Variants in UNC5C observed in about 807,000 individuals in gnomAD.
UNC5C encodes the protein netrin receptor UNC5C.
Under a neutral mutation model 99.8 loss-of-function variants are expected in UNC5C, and 47 were observed. That is an observed-to-expected ratio of 0.47 (90% CI 0.37 to 0.60). UNC5C has a LOEUF of 0.60. Ranked by LOEUF, UNC5C falls within the 20% of genes least tolerant of loss-of-function variation. UNC5C has a pLI of 0.00. For missense variants in UNC5C, 1,062 were observed against 1,165.9 expected, an observed-to-expected ratio of 0.91 and a Z score of 1.30; for synonymous variants, 487 against 452.2, an observed-to-expected ratio of 1.08 and a Z score of -0.98.
intron 1 of UNC5C, among the ~76,000 whole-genome samples, chr4:95,535,816 G>GCA (rs1308166962): frequency 6.6e-6 from 1 of 151,570 alleles, no homozygotes; most frequent in Non-Finnish European, 1.5e-5. Context: ...ACACACGGGT[G>GCA]CACACATACA....
At chr4:95,462,495 G>C (rs576690665) in intron 1 of UNC5C, among the ~76,000 whole-genome samples, 16 of 152,128 alleles carry the variant, frequency 1.1e-4, no homozygotes, top group Non-Finnish European at 1.9e-4. Context: ...AGTTAACCCT[G>C]ACTATAAAAA....
At chr4:95,420,371 A>G (rs1243055264) in intron 1 of UNC5C, among the ~76,000 whole-genome samples, 2 of 152,192 alleles carry the variant, frequency 1.3e-5, no homozygotes, top group African/African-American at 2.4e-5. Context: ...CAATGGGGAC[A>G]CATAATAAAA....
At chr4:95,321,166 A>G (rs1742676836) in intron 2 of UNC5C, among the ~76,000 whole-genome samples, 1 of 152,230 alleles carries the variant, frequency 6.6e-6, no homozygotes, top group Non-Finnish European at 1.5e-5. Flanking sequence ...AATTAAATTA[A>G]AATTACATAG....
At chr4:95,206,861 G>T in intron 10 of UNC5C, 65 bp from the exon 11 acceptor site, 1 of 1,299,062 alleles carries the variant, frequency 7.7e-7, no homozygotes, top group Non-Finnish European at 1.0e-6. Flanking sequence ...ATGCACTTGG[G>T]TTCTGAAGGC....
At chr4:95,236,640 A>C (rs1694141180) in intron 7 of UNC5C, among the ~76,000 whole-genome samples, 1 of 152,008 alleles carries the variant, frequency 6.6e-6, no homozygotes, top group South Asian at 2.1e-4. Flanking sequence ...GAAAAAGAAA[A>C]AAAATACTTG....
intron 1 of UNC5C, among the ~76,000 whole-genome samples, chr4:95,462,571 T>C (rs921636704): frequency 6.6e-5 from 10 of 151,972 alleles, no homozygotes; most frequent in African/African-American, 2.4e-4. Flanking sequence ...ATACAGGAGG[T>C]AATTCGGTTT....
intron 1 of UNC5C, among the ~76,000 whole-genome samples, chr4:95,464,532 CCTTAA>C (rs371719567): frequency 6.6e-5 from 10 of 152,064 alleles, no homozygotes; most frequent in African/African-American, 1.7e-4. Context: ...ATTTTAAATT[CCTTAA>C]CTTAAGAACA....
chr4:95,243,520 G>A (rs1739398160), intron 6 of UNC5C, among the ~76,000 whole-genome samples: 1 of 152,070 alleles, frequency 6.6e-6, no homozygotes, highest in South Asian at 2.1e-4. Context: ...ATATAATTAT[G>A]ATGATCAAGG....
At position 95,219,144 on chromosome 4, in the gene UNC5C, G is replaced by A. The variant is rs145160489; in HGVS notation, c.1470C>T (p.Pro490=). 2.7e-4 allele frequency: 435 copies of A among 1,614,112 alleles called. No homozygotes were observed. Among genetic ancestry groups the A allele is most frequent in the Non-Finnish European group, 2.1e-4 (246 of 1,180,016 alleles). Residue 490 remains proline (P), a synonymous_variant, in exon 9 of 16, where the codon CCC becomes CCT. Transcript: ENST00000453304. ...ACGTAAACTCAGAGAGGTCATCTTG[G>A]GGGGTGACAGCACCTGAGGTGTTGT... ...KVYNTSGAVT[P]QDDLSEFTSK...
intron 12 of UNC5C, among the ~76,000 whole-genome samples, chr4:95,192,033 C>T (rs1383245378): frequency 7.9e-5 from 11 of 139,998 alleles, no homozygotes; most frequent in Non-Finnish European, 1.4e-4. Context: ...CACCTTCCTC[C>T]TCTGCTCACT....
rs143363930 is a variant in UNC5C at position 95,527,517 on chromosome 4, T to C, written c.124+21217A>G. Among the ~76,000 whole-genome samples the C allele has an allele frequency of 9.5e-4, 144 of 152,216 alleles. 1 individual carries two copies. The East Asian group carries it at 0.02, about 22-fold the overall frequency. On this transcript the variant is annotated intron_variant, in intron 1 of 15. Coordinates refer to ENST00000453304, the MANE Select transcript of UNC5C (RefSeq NM_003728.4). ...ATATTGGAGTATTTCTCAGCCTCCG[T>C]CTTTCCTCATGGTCTTTATGTTGCT...
At chr4:95,225,856 T>A (rs1231457187) in intron 7 of UNC5C, among the ~76,000 whole-genome samples, 1 of 152,198 alleles carries the variant, frequency 6.6e-6, no homozygotes, top group Non-Finnish European at 1.5e-5. Context: ...ACTTTTTCCA[T>A]CATTTTCAAA....
chr4:95,183,160 C>T, intron 13 of UNC5C, 99 bp from the exon 14 acceptor site: 2 of 1,232,108 alleles, frequency 1.6e-6, no homozygotes, highest in Non-Finnish European at 2.3e-6. Context: ...ACACCTGTGG[C>T]CTCATTTAAT....
intron 1 of UNC5C, among the ~76,000 whole-genome samples, chr4:95,511,065 C>G (rs1275737054): frequency 6.6e-6 from 1 of 152,052 alleles, no homozygotes; most frequent in East Asian, 1.9e-4. Context: ...GAAAGAATAG[C>G]TGGGAAGCTC....
Position 95,543,755 on chromosome 4 carries a change from G to A in UNC5C, c.124+4979C>T, listed in dbSNP as rs866722425. Among the ~76,000 whole-genome samples, 6 of 152,136 alleles carry A rather than the reference G, an allele frequency of 3.9e-5. No individual in the cohort carries two copies. The South Asian group carries it at 8.3e-4, about 21-fold the overall frequency. The stretch of plus-strand genomic sequence containing the variant: ...CTTGAGAAAATAGAAAGTCAAGGAC[G>A]AGCTTCTTGCAAGGACTTAACTGGG... On this transcript the variant is annotated intron_variant, in intron 1 of 15. Transcript: ENST00000453304.
intron 1 of UNC5C, among the ~76,000 whole-genome samples, chr4:95,369,891 C>T (rs112684235): frequency 6.6e-6 from 1 of 151,598 alleles, no homozygotes; most frequent in South Asian, 2.1e-4. Context: ...TGTAGCCCCC[C>T]CTTTTTTTTT....
intron 12 of UNC5C, among the ~76,000 whole-genome samples, chr4:95,196,007 AAAT>A (rs1488613840): frequency 6.6e-6 from 1 of 152,212 alleles, no homozygotes; most frequent in Non-Finnish European, 1.5e-5. Flanking sequence ...TAATGTATGA[AAAT>A]AACTCCTTTT....
intron 1 of UNC5C, among the ~76,000 whole-genome samples, chr4:95,367,592 T>C (rs950233562): frequency 6.6e-6 from 1 of 152,064 alleles, no homozygotes; most frequent in Non-Finnish European, 1.5e-5. Flanking sequence ...AAAAATGTGA[T>C]CACCTCTTCT....
chr4:95,212,535 A>G (rs919895446), intron 10 of UNC5C, among the ~76,000 whole-genome samples: 2 of 151,988 alleles, frequency 1.3e-5, no homozygotes, highest in Non-Finnish European at 2.9e-5. Flanking sequence ...TACATGTTCT[A>G]TCTAGTTTCT....
Sources: gnomAD v4.1 joint callset for allele counts (sites outside exome capture counted in the v4.1 genomes callset) on GRCh38, gnomAD v4.1.1 for gene constraint, MANE v1.5 for transcripts, NCBI Gene and HGNC (gene_info 2026-07-23, HGNC 2026-07-21) for gene names.